Variants in AGBL1 observed in about 807,000 individuals in gnomAD.
AGBL1 encodes the protein AGBL carboxypeptidase 1, also known as cytosolic carboxypeptidase 4.
In AGBL1, 130 loss-of-function variants were observed where a neutral mutation model predicts 118.9. That is an observed-to-expected ratio of 1.09 (90% confidence interval 0.95 to 1.26). The LOEUF is 1.26. Ranked by LOEUF, AGBL1 falls within the 50% of genes most tolerant of loss-of-function variation. The pLI is 0.00. For synonymous variants in AGBL1, 555 were observed against 478.9 expected (o/e 1.16, Z -2.08); for missense variants, 1,584 against 1,298.1 (o/e 1.22, Z -3.38).
intron 21 of AGBL1, among the ~76,000 whole-genome samples, chr15:86,569,960 T>C (rs563901117): frequency 6.6e-6 from 1 of 152,184 alleles, no homozygotes; most frequent in Non-Finnish European, 1.5e-5. Flanking sequence ...AATCTTACTC[T>C]CCCATGTGAC....
chr15:86,828,972 A>G (rs1013040726), intron 22 of AGBL1, among the ~76,000 whole-genome samples: 1 of 148,250 alleles, frequency 6.7e-6, no homozygotes. Context: ...AATAAATATT[A>G]TATATATAGT....
intron 18 of AGBL1, among the ~76,000 whole-genome samples, chr15:86,415,971 T>C (rs1019684309): frequency 1.3e-5 from 2 of 152,210 alleles, no homozygotes; most frequent in Admixed American, 6.5e-5. Flanking sequence ...TATTTTCACA[T>C]GACTTTTTTT....
intron 22 of AGBL1, among the ~76,000 whole-genome samples, chr15:86,727,413 A>AT (rs539279764): frequency 6.6e-6 from 1 of 152,004 alleles, no homozygotes; most frequent in Admixed American, 6.6e-5. Flanking sequence ...GATATCATTA[A>AT]TTTTTTTTAA....
At chr15:86,145,983 C>T (rs570454342) in intron 3 of AGBL1, among the ~76,000 whole-genome samples, 18 of 152,270 alleles carry the variant, frequency 1.2e-4, no homozygotes, top group African/African-American at 3.6e-4. Flanking sequence ...AAGAGTGAGC[C>T]AGGTGGACTC....
At chr15:86,789,504 A>T (rs772583585) in intron 22 of AGBL1, among the ~76,000 whole-genome samples, 18 of 152,182 alleles carry the variant, frequency 1.2e-4, no homozygotes, top group Non-Finnish European at 1.9e-4. Flanking sequence ...AGCTGAATAC[A>T]AATGGACTTG....
In AGBL1 at chr15:86,429,671, T is replaced by A. The variant is rs1192081892; in HGVS notation, c.2555+32125T>A. Among the ~76,000 whole-genome samples the A allele has an allele frequency of 2.0e-5, 3 of 152,238 alleles. No individual in the cohort carries two copies. In the East Asian group the frequency reaches 5.8e-4, roughly 29 times the overall value. On this transcript the variant is annotated intron_variant, in intron 18 of 22. Transcript: ENST00000614907. ...TCATGCTCTGTTCTCACCATGTGGA[T>A]GAATACAACCTTGAACCATGTCTAC...
At chr15:86,625,988 A>T (rs1334672591) in intron 21 of AGBL1, among the ~76,000 whole-genome samples, 1 of 152,214 alleles carries the variant, frequency 6.6e-6, no homozygotes, top group African/African-American at 2.4e-5. Flanking sequence ...CATAAAGAAT[A>T]GTAGAGTATC....
intron 17 of AGBL1, among the ~76,000 whole-genome samples, chr15:86,387,353 T>A (rs1007248831): frequency 2.6e-5 from 4 of 151,612 alleles, no homozygotes; most frequent in Non-Finnish European, 5.9e-5. Context: ...CCAGCTGGAG[T>A]GGGGTACACT....
At chr15:86,798,513 A>C (rs1462140788) in intron 22 of AGBL1, among the ~76,000 whole-genome samples, 2 of 152,102 alleles carry the variant, frequency 1.3e-5, no homozygotes, top group East Asian at 3.9e-4. Context: ...TTTGTTACTA[A>C]GATTGGTTAG....
At chr15:86,210,016 A>G (rs1185511474) in intron 5 of AGBL1, among the ~76,000 whole-genome samples, 1 of 152,190 alleles carries the variant, frequency 6.6e-6, no homozygotes, top group African/African-American at 2.4e-5. Context: ...CCTGGTGGTG[A>G]CAAAATCTCT....
intron 16 of AGBL1, among the ~76,000 whole-genome samples, chr15:86,284,179 C>G (rs2141732796): frequency 8.7e-6 from 1 of 115,232 alleles, no homozygotes; most frequent in Non-Finnish European, 1.9e-5. Context: ...ATAATTCATA[C>G]TAAAATTAAA....
chr15:86,501,954 G>A (rs946819081), intron 18 of AGBL1, among the ~76,000 whole-genome samples: 6 of 151,358 alleles, frequency 4.0e-5, no homozygotes, highest in Non-Finnish European at 8.9e-5. Context: ...TTTAAGCTTA[G>A]CTTGTCAAAT....
intron 1 of AGBL1, among the ~76,000 whole-genome samples, chr15:86,130,166 C>G (rs114981838): frequency 1.1e-4 from 16 of 152,182 alleles, no homozygotes; most frequent in African/African-American, 3.6e-4. Context: ...TTTAGAAGAG[C>G]TTCGTGCCCT....
intron 23 of AGBL1, among the ~76,000 whole-genome samples, chr15:86,952,786 A>AT (rs1051714165): frequency 2.0e-5 from 3 of 152,086 alleles, no homozygotes; most frequent in Non-Finnish European, 2.9e-5. Flanking sequence ...TATTTCCTAG[A>AT]TTTTTAAAGA....
At chr15:86,609,105 C>T (rs1028395614) in intron 21 of AGBL1, among the ~76,000 whole-genome samples, 3 of 152,138 alleles carry the variant, frequency 2.0e-5, no homozygotes, top group Admixed American at 1.3e-4. Flanking sequence ...TATTACACTC[C>T]CTTTCTACCT....
At chr15:86,561,754 A>G (rs1487409996) in intron 21 of AGBL1, among the ~76,000 whole-genome samples, 1 of 152,170 alleles carries the variant, frequency 6.6e-6, no homozygotes, top group Non-Finnish European at 1.5e-5. Context: ...CAATATGGCC[A>G]TTTTCATGAC....
chr15:86,702,365 T>C (rs921467755), intron 22 of AGBL1, among the ~76,000 whole-genome samples: 1 of 152,164 alleles, frequency 6.6e-6, no homozygotes, highest in Non-Finnish European at 1.5e-5. Flanking sequence ...GAGATGGCCT[T>C]ATTGATTTGT....
rs548206524 is a variant in AGBL1, at chr15:86,551,118, A to G, written c.2818-3243A>G. Among the ~76,000 whole-genome samples the G allele has an allele frequency of 3.3e-5, 5 of 152,240 alleles. No homozygotes were observed. The South Asian group carries it at 6.2e-4, about 19-fold the overall frequency. ...AGGAACTTTGTAATTTATAATATTT[A>G]GAAATGCAGAAAGATCTAAAATCAA... is the stretch of plus-strand genomic sequence containing the variant. On this transcript the variant is annotated intron_variant, in intron 20 of 22. Transcript: ENST00000614907.
chr15:86,546,362 A>G (rs149188326), intron 20 of AGBL1, among the ~76,000 whole-genome samples: 1,621 of 151,342 alleles, frequency 0.011, 19 homozygotes, highest in South Asian at 0.046. Context: ...CCTGTTTTCT[A>G]TGTGGTTTGA....
Sources: allele counts gnomAD v4.1 joint callset (sites outside exome capture counted in the v4.1 genomes callset), GRCh38; gene constraint gnomAD v4.1.1; transcripts MANE v1.5; gene names NCBI Gene and HGNC (gene_info 2026-07-23, HGNC 2026-07-21).